Variants in PARD3B observed in about 807,000 individuals in gnomAD.
PARD3B encodes partitioning defective 3 homolog B.
A neutral mutation model predicts 130.2 loss-of-function variants in PARD3B; 103 were observed. The ratio of observed to expected loss-of-function variants is 0.79; its 90% CI spans 0.67 to 0.93. The LOEUF is 0.93. Ranked by LOEUF, PARD3B falls within the 40% of genes least tolerant of loss-of-function variation. The pLI, the probability that PARD3B is intolerant of heterozygous loss-of-function variation, is 0.00. For synonymous variants in PARD3B, 583 were observed against 553.2 expected, an observed-to-expected ratio of 1.05 and a Z score of -0.76; for missense variants, 1,609 against 1,499.2, an observed-to-expected ratio of 1.07 and a Z score of -1.21.
rs770703151 is a variant in PARD3B at position 205,440,235 on chromosome 2, A to G, written c.2742-135A>G. On this transcript the variant is annotated intron_variant, in intron 19 of 22. Transcript: ENST00000406610. The surrounding 1 kb of genome is among the most constrained non-coding windows in gnomAD (Gnocchi z 4.2). ...CTTCTTATGCTGTTGGCATTTCTGCATGCTGTGATCTTGAGTAAACAGGAG... is the reference window on the plus strand; with the variant it reads ...CTTCTTATGCTGTTGGCATTTCTGCGTGCTGTGATCTTGAGTAAACAGGAG... 3 of 827,298 alleles carry G rather than the reference A, an allele frequency of 3.6e-6. No individual in the cohort carries two copies. Among genetic ancestry groups the G allele is most frequent in the Non-Finnish European group, 5.6e-6 (3 of 532,264 alleles). The allele number at this position is 827,298 out of a possible 1,614,324, so 51.2% of individuals were successfully genotyped here. A position where few individuals can be genotyped will look rare whatever the true frequency, so the allele number is the denominator to read the frequency against.
At chr2:204,985,006 C>G (rs902355960) in intron 3 of PARD3B, among the ~76,000 whole-genome samples, 1 of 149,690 alleles carries the variant, frequency 6.7e-6, no homozygotes, top group African/African-American at 2.5e-5. Flanking sequence ...ACAAAATCTT[C>G]TCTACCACGT....
At chr2:205,193,978 G>A (rs2036536044) in intron 15 of PARD3B, among the ~76,000 whole-genome samples, 1 of 152,118 alleles carries the variant, frequency 6.6e-6, no homozygotes, top group Non-Finnish European at 1.5e-5. Context: ...GCAGAGCAAG[G>A]GCCCCTGTTA....
intron 12 of PARD3B, among the ~76,000 whole-genome samples, chr2:205,175,730 G>GA (rs2035428573): frequency 1.3e-5 from 2 of 151,482 alleles, no homozygotes; most frequent in Non-Finnish European, 2.9e-5. Flanking sequence ...CAACCTTTTT[G>GA]GAAAAAAAAA....
intron 5 of PARD3B, among the ~76,000 whole-genome samples, chr2:205,112,873 A>C (rs1703738599): frequency 6.6e-6 from 1 of 152,100 alleles, no homozygotes; most frequent in South Asian, 2.1e-4. Context: ...CTACCTTTAC[A>C]AAAGTATAGG....
At chr2:204,856,884 G>A (rs1436162628) in intron 2 of PARD3B, among the ~76,000 whole-genome samples, 6 of 152,034 alleles carry the variant, frequency 3.9e-5, no homozygotes, top group Admixed American at 6.6e-5. Context: ...ATTGGTTGAC[G>A]TGTCTGTTTT....
chr2:205,130,151 A>G (rs1184570235), intron 10 of PARD3B, among the ~76,000 whole-genome samples: 1 of 152,122 alleles, frequency 6.6e-6, no homozygotes, highest in Admixed American at 6.6e-5. Context: ...TGGTGTCCTC[A>G]CCCCCTGACT....
chr2:204,937,093 G>C (rs949329035), intron 2 of PARD3B, among the ~76,000 whole-genome samples: 13 of 152,162 alleles, frequency 8.5e-5, no homozygotes, highest in Non-Finnish European at 1.5e-4. Flanking sequence ...GAGCTCTTTG[G>C]GGGGTCCCAA....
At chr2:204,589,862 T>C (rs1376895530) in intron 1 of PARD3B, among the ~76,000 whole-genome samples, 1 of 152,142 alleles carries the variant, frequency 6.6e-6, no homozygotes, top group East Asian at 1.9e-4. Context: ...TTTGGCACAG[T>C]CCCTTGTTTC....
intron 19 of PARD3B, among the ~76,000 whole-genome samples, chr2:205,413,358 TC>T (rs1656148201): frequency 1.3e-5 from 2 of 152,166 alleles, no homozygotes; most frequent in South Asian, 4.1e-4. Context: ...CCTCACCATT[TC>T]CTTGGGGTGA....
chr2:204,918,857 C>G (rs2047554407), intron 2 of PARD3B, among the ~76,000 whole-genome samples: 1 of 150,096 alleles, frequency 6.7e-6, no homozygotes, highest in Non-Finnish European at 1.5e-5. Context: ...CTTGATAGTT[C>G]GTCTGTGTTT....
intron 18 of PARD3B, among the ~76,000 whole-genome samples, chr2:205,334,209 C>T (rs1361627252): frequency 6.6e-6 from 1 of 152,140 alleles, no homozygotes; most frequent in African/African-American, 2.4e-5. Flanking sequence ...TGTATGTGTG[C>T]ATGTGCTCGT....
Position 204,890,999 on chromosome 2 carries a change from C to T in PARD3B, c.223-74153C>T, listed in dbSNP as rs373018741. Reference sequence around the variant, plus strand: ...TCTAATTACCTGTGCAGCTAATTACCACTTCCATGTTAAGCAGCAGCAGTA... The same window carrying T: ...TCTAATTACCTGTGCAGCTAATTACTACTTCCATGTTAAGCAGCAGCAGTA... On this transcript the variant is annotated intron_variant, in intron 2 of 22. Coordinates refer to ENST00000406610, the MANE Select transcript of PARD3B (RefSeq NM_001302769.2). The surrounding 1 kb of genome is among the most constrained non-coding windows in gnomAD (Gnocchi z 4.9). Among the ~76,000 whole-genome samples, 39 of 152,120 alleles carry T rather than the reference C, an allele frequency of 2.6e-4. 1 individual carries two copies. The highest frequency in any genetic ancestry group is 9.2e-4 in the African/African-American group (38 of 41,508).
At chr2:205,505,931 G>A (rs1053212143) in intron 21 of PARD3B, among the ~76,000 whole-genome samples, 3 of 152,130 alleles carry the variant, frequency 2.0e-5, no homozygotes, top group African/African-American at 2.4e-5. Context: ...TATAAAAGAG[G>A]TTTGTAGACA....
chr2:205,213,492 C>G (rs1191798490), intron 15 of PARD3B, among the ~76,000 whole-genome samples: 1 of 152,116 alleles, frequency 6.6e-6, no homozygotes, highest in African/African-American at 2.4e-5. Flanking sequence ...AGTGTTGGAG[C>G]AATCTGGCTG....
At position 205,445,972 on chromosome 2, in the gene PARD3B, A is replaced by T. The variant is rs548495990; in HGVS notation, c.3044+5300A>T. Among the ~76,000 whole-genome samples the T allele has an allele frequency of 2.0e-5, 3 of 152,356 alleles. No individual in the cohort carries two copies. In the East Asian group the frequency reaches 5.8e-4, roughly 29 times the overall value. On this transcript the variant is annotated intron_variant, in intron 20 of 22. Transcript: ENST00000406610. ...GGAGGAAGATGACTATGCTGCCTTCATTATGGATATTAGGATCCAATGGCA... is the reference window on the plus strand; with the variant it reads ...GGAGGAAGATGACTATGCTGCCTTCTTTATGGATATTAGGATCCAATGGCA...
chr2:205,576,894 A>G (rs988877324), intron 22 of PARD3B, among the ~76,000 whole-genome samples: 2 of 152,218 alleles, frequency 1.3e-5, no homozygotes, highest in Admixed American at 6.5e-5. Context: ...AAGAACTGAC[A>G]TCTTGAGAGT....
In PARD3B at chr2:205,288,733, CT is replaced by C. The variant is rs1022458718; in HGVS notation, c.2186-11793del. Reference sequence around the variant, plus strand: ...GACGTGTTTGGACTTTTCCTCATGCCTTTTCCTCTAAGTGGTGTGCCTGTCC... The same window carrying C: ...GACGTGTTTGGACTTTTCCTCATGCCTTTCCTCTAAGTGGTGTGCCTGTCC... On this transcript the variant is annotated intron_variant, in intron 16 of 22. Transcript: ENST00000406610. This position sits in a 1 kb window ranked among gnomAD's most constrained non-coding sequence, Gnocchi z 4.0. Among the ~76,000 whole-genome samples, 1 of 152,194 alleles carries C rather than the reference CT, an allele frequency of 6.6e-6. No individual in the cohort carries two copies. Among genetic ancestry groups the C allele is most frequent in the African/African-American group, 2.4e-5 (1 of 41,442 alleles).
intron 2 of PARD3B, among the ~76,000 whole-genome samples, chr2:204,737,135 C>A (rs1559102471): frequency 6.6e-6 from 1 of 152,106 alleles, no homozygotes; most frequent in Non-Finnish European, 1.5e-5. Flanking sequence ...CCATGCCCAG[C>A]TAATTTTTGT....
intron 18 of PARD3B, among the ~76,000 whole-genome samples, chr2:205,377,770 T>A (rs2045121932): frequency 2.7e-5 from 1 of 36,590 alleles, no homozygotes; most frequent in Non-Finnish European, 1.2e-4. Context: ...CCAATTTTTT[T>A]TTTTTTTTTT....
Sources: gnomAD v4.1 joint callset for allele counts (sites outside exome capture counted in the v4.1 genomes callset) on GRCh38, gnomAD v4.1.1 for gene constraint, Gnocchi (gnomAD v3.1) non-coding constraint, MANE v1.5 for transcripts, NCBI Gene and HGNC (gene_info 2026-07-23, HGNC 2026-07-21) for gene names.